The following AGT variants were observed in gnomAD, a reference collection of about 807,000 sequenced individuals.
AGT encodes alpha-1 antiproteinase, antitrypsin.
In AGT, 26 loss-of-function variants were observed where a neutral mutation model predicts 28.1. The ratio of observed to expected loss-of-function variants is 0.92; its 90% CI spans 0.68 to 1.28. The LOEUF is 1.28. Among genes scored for constraint, AGT ranks in the 50% most tolerant of loss-of-function variants. The pLI is 0.00. For missense variants in AGT, 596 were observed against 592.3 expected (o/e 1.01, Z -0.06); for synonymous variants, 259 against 259.6 (o/e 1.00, Z 0.02).
chr1:230,729,513 T>C (rs574070499), intron 1 of AGT, among the ~76,000 whole-genome samples: 1 of 152,260 alleles, frequency 6.6e-6, no homozygotes, highest in South Asian at 2.1e-4. Context: ...CCCAGGCATG[T>C]GTTTCTCAAG....
intron 1 of AGT, among the ~76,000 whole-genome samples, chr1:230,742,842 G>A (rs1302347801): frequency 3.9e-5 from 6 of 152,190 alleles, no homozygotes; most frequent in African/African-American, 1.4e-4. Context: ...TCACTTTTCG[G>A]GGTGCGGCTC....
At chr1:230,722,722 G>T (rs138196323) in intron 1 of AGT, among the ~76,000 whole-genome samples, 1 of 152,170 alleles carries the variant, frequency 6.6e-6, no homozygotes, top group African/African-American at 2.4e-5. Flanking sequence ...TTCTGTTTTG[G>T]CCAATTTATC....
At chr1:230,744,951 C>T (rs1558297956) in intron 1 of AGT, among the ~76,000 whole-genome samples, 1 of 152,168 alleles carries the variant, frequency 6.6e-6, no homozygotes, top group African/African-American at 2.4e-5. Flanking sequence ...AAATGGATGG[C>T]CCTCACATTG....
chr1:230,711,641 T>C (rs1470519857), intron 1 of AGT, among the ~76,000 whole-genome samples: 1 of 151,954 alleles, frequency 6.6e-6, no homozygotes, highest in Non-Finnish European at 1.5e-5. Flanking sequence ...GCAGCCGGGA[T>C]TGAGCACCAC....
At chr1:230,743,962 C>T (rs1664295252) in intron 1 of AGT, among the ~76,000 whole-genome samples, 1 of 152,218 alleles carries the variant, frequency 6.6e-6, no homozygotes, top group African/African-American at 2.4e-5. Flanking sequence ...AGGTCAGGTT[C>T]ATTTCATGTA....
Position 230,703,077 on chromosome 1 carries a change from T to C in AGT, c.*64A>G, listed in dbSNP as rs1037958257. ...TTTGTCCGGGGTTGTTATCTGCTGC[T>C]GGCCTTTGCCTCAAAGGCCAGGGGC... is the stretch of plus-strand genomic sequence containing the variant. On this transcript the variant is annotated 3_prime_UTR_variant, in exon 5 of 5. Transcript: ENST00000366667. 6.4e-7 allele frequency: 1 copy of C among 1,564,788 alleles called. No homozygotes were observed. The highest frequency in any genetic ancestry group is 1.4e-5 in the African/African-American group (1 of 73,696).
intron 4 of AGT, 24 bp downstream of exon 4, chr1:230,704,169 G>T: frequency 6.2e-7 from 1 of 1,614,208 alleles, no homozygotes; most frequent in East Asian, 2.2e-5. Context: ...CCCAGGTCAG[G>T]CACAGACACA....
At chr1:230,732,099 T>C (rs1664079935) in intron 1 of AGT, among the ~76,000 whole-genome samples, 1 of 152,134 alleles carries the variant, frequency 6.6e-6, no homozygotes, top group East Asian at 1.9e-4. Context: ...GTGACTATCA[T>C]CCCATGAAAT....
chr1:230,729,916 C>T (rs1405965177), intron 1 of AGT, among the ~76,000 whole-genome samples: 1 of 151,968 alleles, frequency 6.6e-6, no homozygotes, highest in South Asian at 2.1e-4. Flanking sequence ...AATCCCAGCA[C>T]TTTGGGAGGC....
Position 230,706,244 on chromosome 1 carries a change from CAG to C in AGT, c.830-46_830-45del, listed in dbSNP as rs766263902. 11 of 1,604,394 alleles carry C rather than the reference CAG, an allele frequency of 6.9e-6. No individual in the cohort carries two copies. The Admixed American group carries it at 1.2e-4, about 17-fold the overall frequency. Reference sequence around the variant, plus strand: ...ACAGGGAGGGAAGAGTCACCCAAGACAGGGGCAGGAATGAGGGCTGGCAGACA... The same window carrying C: ...ACAGGGAGGGAAGAGTCACCCAAGACGGGCAGGAATGAGGGCTGGCAGACA... On this transcript the variant is annotated intron_variant, in intron 2 of 4. Transcript: ENST00000366667.
At chr1:230,731,521 A>G (rs1455001741) in intron 1 of AGT, among the ~76,000 whole-genome samples, 2 of 151,828 alleles carry the variant, frequency 1.3e-5, no homozygotes, top group Non-Finnish European at 2.9e-5. Flanking sequence ...TGGACCATGC[A>G]CCTCCTTGTC....
chr1:230,729,672 C>T (rs904212183), intron 1 of AGT, among the ~76,000 whole-genome samples: 1 of 152,136 alleles, frequency 6.6e-6, no homozygotes, highest in Middle Eastern at 3.2e-3. Context: ...ATGTAAGAAG[C>T]TTGTTTTTCT....
chr1:230,736,832 T>A (rs1042656493), intron 1 of AGT, among the ~76,000 whole-genome samples: 5 of 152,178 alleles, frequency 3.3e-5, no homozygotes, highest in Admixed American at 2.0e-4. Context: ...CACAACTGAA[T>A]GCTTCCCTGG....
chr1:230,706,994 A>G (rs376828141), intron 2 of AGT, among the ~76,000 whole-genome samples: 22 of 152,182 alleles, frequency 1.4e-4, no homozygotes, highest in African/African-American at 5.1e-4. Context: ...TGGGCCACGC[A>G]GGCCCCGGAA....
At chr1:230,719,634 C>A (rs1663807521) in intron 1 of AGT, among the ~76,000 whole-genome samples, 1 of 151,992 alleles carries the variant, frequency 6.6e-6, no homozygotes, top group African/African-American at 2.4e-5. Flanking sequence ...GTCTCGATCT[C>A]CTGACCTCGT....
At chr1:230,744,034 C>G (rs1208100514) in intron 1 of AGT, among the ~76,000 whole-genome samples, 1 of 152,200 alleles carries the variant, frequency 6.6e-6, no homozygotes, top group African/African-American at 2.4e-5. Context: ...TGATGCATGG[C>G]CCCCGCTTGG....
At position 230,704,303 on chromosome 1, in the gene AGT, G is replaced by T. The variant is rs1446748232; in HGVS notation, c.1132C>A (p.Gln378Lys). 36 of 1,614,218 alleles carry T rather than the reference G, an allele frequency of 2.2e-5. No individual in the cohort carries two copies. Among genetic ancestry groups the T allele is most frequent in the Non-Finnish European group, 3.0e-5 (35 of 1,180,038 alleles). ...IHLTMPQLVL[Q>K]GSYDLQDLLA... is the part of the protein sequence containing the mutation. The stretch of plus-strand genomic sequence containing the variant: ...AGGTCCTGCAGGTCATAAGATCCTT[G>T]CAGCACCAGTTGGGGCATGGTCAGG... The change falls in exon 4 of 5, where the codon CAA becomes AAA. Residue 378 changes from glutamine to lysine, a missense_variant. Transcript: ENST00000366667.
intron 4 of AGT, 38 bp from the exon 5 acceptor site, chr1:230,703,367 C>G (rs1663286731): frequency 6.2e-7 from 1 of 1,612,490 alleles, no homozygotes; most frequent in African/African-American, 1.3e-5. Context: ...TCTGAGGGCG[C>G]ACTGGGTGAC....
At chr1:230,735,313 G>C (rs1333018388) in intron 1 of AGT, among the ~76,000 whole-genome samples, 3 of 152,052 alleles carry the variant, frequency 2.0e-5, no homozygotes, top group Non-Finnish European at 2.9e-5. Flanking sequence ...TCTTAGAGTG[G>C]GCGAGCAACC....
Sources: allele counts gnomAD v4.1 joint callset (sites outside exome capture counted in the v4.1 genomes callset), GRCh38; gene constraint gnomAD v4.1.1; transcripts MANE v1.5; gene names NCBI Gene and HGNC (gene_info 2026-07-23, HGNC 2026-07-21).